MICAL3: variants seen among roughly 807,000 people sequenced by gnomAD.
The protein encoded by MICAL3 is [F-actin]-monooxygenase MICAL3.
In MICAL3, 62 loss-of-function variants were observed where a neutral mutation model predicts 207.4. The observed-to-expected ratio is 0.30, with a 90% CI of 0.24 to 0.37. The LOEUF is 0.37. Ranked by LOEUF, MICAL3 falls within the 10% of genes least tolerant of loss-of-function variation. The pLI is 1.00. For missense variants in MICAL3, 2,368 were observed against 2,635.6 expected (o/e 0.90, Z 2.22); for synonymous variants, 1,077 against 1,069.3 (o/e 1.01, Z -0.14).
At chr22:17,904,870 G>T (rs368342998) in intron 2 of MICAL3, 31 bp from the exon 3 acceptor site, 14 of 1,502,384 alleles carry the variant, frequency 9.3e-6, no homozygotes, top group Non-Finnish European at 1.2e-5. Context: ...CAGGGCAGGC[G>T]GCACTTCCAA....
At chr22:17,986,669 C>G (rs1405759858) in intron 1 of MICAL3, among the ~76,000 whole-genome samples, 2 of 152,166 alleles carry the variant, frequency 1.3e-5, no homozygotes, top group East Asian at 3.9e-4. Flanking sequence ...AAAAATGCAT[C>G]CCTCTACTCC....
intron 29 of MICAL3, chr22:17,791,523 G>C (rs539307848): frequency 1.7e-6 from 1 of 575,344 alleles, no homozygotes; most frequent in Non-Finnish European, 3.1e-6. Context: ...CCCCGTCAGC[G>C]ACCTCGCCAG....
chr22:17,836,804 T>C (rs1486835657), intron 20 of MICAL3, among the ~76,000 whole-genome samples: 1 of 152,124 alleles, frequency 6.6e-6, no homozygotes, highest in African/African-American at 2.4e-5. Flanking sequence ...CCACCACGCC[T>C]GGCTAATTTT....
intron 1 of MICAL3, among the ~76,000 whole-genome samples, chr22:17,938,358 G>A (rs541196880): frequency 3.9e-5 from 6 of 152,328 alleles, no homozygotes; most frequent in African/African-American, 1.4e-4. Flanking sequence ...GAGGGAAGTA[G>A]GTTTGAATTC....
intron 1 of MICAL3, among the ~76,000 whole-genome samples, chr22:17,918,545 C>T (rs1430875260): frequency 1.3e-5 from 2 of 152,122 alleles, no homozygotes; most frequent in Admixed American, 6.5e-5. Flanking sequence ...TAGAAAAGGC[C>T]ACTGTACACA....
intron 1 of MICAL3, among the ~76,000 whole-genome samples, chr22:17,973,483 C>A (rs1935510368): frequency 6.6e-6 from 1 of 152,186 alleles, no homozygotes; most frequent in African/African-American, 2.4e-5. Context: ...ATAGTGGAAG[C>A]AGCACAGGGT....
intron 16 of MICAL3, chr22:17,884,315 G>A (rs1929684523): frequency 6.3e-7 from 1 of 1,593,030 alleles, no homozygotes; most frequent in Non-Finnish European, 8.5e-7. Context: ...AACCTGCCCA[G>A]GCAGGCAGCA....
intron 1 of MICAL3, among the ~76,000 whole-genome samples, chr22:17,945,556 T>C (rs1419150363): frequency 1.3e-5 from 2 of 152,144 alleles, no homozygotes; most frequent in Admixed American, 6.5e-5. Flanking sequence ...ACAGCAGGAT[T>C]CACATGAGGA....
rs747236970 is a variant in MICAL3, at chr22:17,817,290, C to T, written c.5350+21G>A. The stretch of plus-strand genomic sequence containing the variant: ...GCACCCCTCCCGCTCTGCCTGCACG[C>T]GGACCCGGCTGCTGACGCACCTGCC... On this transcript the variant is annotated intron_variant, in intron 26 of 31. Transcript: ENST00000441493. 4.0e-5 allele frequency: 62 copies of T among 1,565,862 alleles called. No homozygotes were observed. The East Asian group carries it at 5.9e-4, about 15-fold the overall frequency.
At chr22:17,864,685 CCT>C in intron 19 of MICAL3, 2 of 1,610,598 alleles carry the variant, frequency 1.2e-6, no homozygotes, top group South Asian at 1.1e-5. Flanking sequence ...GTGGAACTCC[CCT>C]CTGATTTGCA....
At chr22:17,997,050 C>CTTTTTTTTTT (rs71716810) in intron 1 of MICAL3, among the ~76,000 whole-genome samples, 5 of 75,516 alleles carry the variant, frequency 6.6e-5, no homozygotes, top group East Asian at 4.5e-4. Flanking sequence ...CCCATCTAGT[C>CTTTTTTTTTT]TTTTTTTTTT....
At chr22:17,936,585 A>G in intron 1 of MICAL3, among the ~76,000 whole-genome samples, 1 of 152,100 alleles carries the variant, frequency 6.6e-6, no homozygotes, top group South Asian at 2.1e-4. Context: ...TAAAAAAAAA[A>G]AAAAGAAACT....
chr22:17,871,096 C>G (rs1372520600), intron 17 of MICAL3, among the ~76,000 whole-genome samples: 2 of 152,202 alleles, frequency 1.3e-5, no homozygotes, highest in African/African-American at 2.4e-5. Flanking sequence ...AGACTGCCTC[C>G]CACGAAGTCC....
At chr22:17,809,335 A>C (rs2062019445) in intron 28 of MICAL3, among the ~76,000 whole-genome samples, 1 of 152,172 alleles carries the variant, frequency 6.6e-6, no homozygotes, top group African/African-American at 2.4e-5. Context: ...CATCTTTACG[A>C]TAAAAATTTA....
chr22:17,980,876 C>A (rs1383008640), intron 1 of MICAL3: 2 of 531,614 alleles, frequency 3.8e-6, no homozygotes, highest in Admixed American at 1.9e-5. Context: ...TGCACCCTCA[C>A]TTCCGACTAA....
At chr22:17,999,056 G>C (rs777638823) in intron 1 of MICAL3, among the ~76,000 whole-genome samples, 64 of 152,178 alleles carry the variant, frequency 4.2e-4, no homozygotes, top group Non-Finnish European at 6.2e-4. Context: ...CTAGCACTCT[G>C]CCAATGGTCA....
In MICAL3 at chr22:17,818,473, G is replaced by A. The variant is rs757642131; in HGVS notation, c.4188C>T (p.Gly1396=). The A allele has an allele frequency of 9.3e-6, 15 of 1,611,420 alleles. No homozygotes were observed. Among genetic ancestry groups the A allele is most frequent in the Admixed American group, 1.7e-5 (1 of 59,998 alleles). ...GGGGGGTTGGCAGGGACAACGGCTC[G>A]CCTTCCGGCTTTGGCAGGCCCAGCC... ...PKRLGLPKPE[G]EPLSLPTPRS... is the part of the protein sequence containing the mutation. Residue 1396 remains glycine, a synonymous_variant, in exon 26 of 32, where the codon GGC becomes GGT. Coordinates refer to ENST00000441493, the MANE Select transcript of MICAL3 (RefSeq NM_015241.3).
At position 17,887,160 on chromosome 22, in the gene MICAL3, T is replaced by G; in HGVS notation, c.2067+10A>C. The G allele has an allele frequency of 1.2e-6, 2 of 1,612,192 alleles. No individual in the cohort carries two copies. Among genetic ancestry groups the G allele is most frequent in the Non-Finnish European group, 1.7e-6 (2 of 1,178,552 alleles). ...ATGACCATTCTAGCAATTCCCCAAG[T>G]GAATCTCACCTCCTCTGATTGACTG... is the stretch of plus-strand genomic sequence containing the variant. On this transcript the variant is annotated intron_variant, in intron 15 of 31. Transcript: ENST00000441493.
chr22:17,897,077 C>G lies in MICAL3; in HGVS notation c.949-96G>C, dbSNP rs568698701. ...CCAGGGCCACAGCTTCTTCTTCCCC[C>G]TAAAGTGACTCCACGTTCCAAAACC... is the stretch of plus-strand genomic sequence containing the variant. On this transcript the variant is annotated intron_variant, in intron 7 of 31. Coordinates refer to ENST00000441493, the MANE Select transcript of MICAL3 (RefSeq NM_015241.3). 5.2e-5 allele frequency: 72 copies of G among 1,384,176 alleles called. No homozygotes were observed. The African/African-American group carries it at 6.4e-4, about 12-fold the overall frequency. 85.7% of individuals were successfully genotyped at this position (1,384,176 alleles called of 1,614,324 possible).
Sources: gnomAD v4.1 joint callset for allele counts (sites outside exome capture counted in the v4.1 genomes callset) on GRCh38, gnomAD v4.1.1 for gene constraint, MANE v1.5 for transcripts, NCBI Gene and HGNC (gene_info 2026-07-23, HGNC 2026-07-21) for gene names.